ABTB3: variants seen among roughly 807,000 people sequenced by gnomAD.
The protein encoded by ABTB3 is ankyrin repeat and BTB domain containing 3, also known as ankyrin repeat- and BTB/POZ domain-containing protein 3.
chr12:107,578,046 T>C, the ABTB3 span, among the ~76,000 whole-genome samples: 2 of 152,194 alleles, frequency 1.3e-5, no homozygotes, highest in East Asian at 3.8e-4. Flanking sequence ...GATTTTTTCT[T>C]CAGCATTCTC....
At chr12:107,380,545 A>G in the ABTB3 span, among the ~76,000 whole-genome samples, 1 of 152,154 alleles carries the variant, frequency 6.6e-6, no homozygotes, top group East Asian at 1.9e-4. Context: ...AGATGGGGAA[A>G]CTGACACCAA....
chr12:107,376,183 T>C, the ABTB3 span, among the ~76,000 whole-genome samples: 1 of 152,086 alleles, frequency 6.6e-6, no homozygotes, highest in Admixed American at 6.5e-5. Flanking sequence ...GCTCCAGCCA[T>C]CCCCTTCTGT....
chr12:107,453,717 AG>A, the ABTB3 span, among the ~76,000 whole-genome samples: 4 of 152,244 alleles, frequency 2.6e-5, no homozygotes, highest in African/African-American at 9.6e-5. Context: ...AAAATGGGAT[AG>A]GGCAAGAATG....
the ABTB3 span, among the ~76,000 whole-genome samples, chr12:107,560,709 CCT>C: frequency 6.6e-6 from 1 of 152,154 alleles, no homozygotes; most frequent in Non-Finnish European, 1.5e-5. Flanking sequence ...TAATCTCCTC[CCT>C]CTCTTTCTGG....
At chr12:107,473,694 G>A in the ABTB3 span, among the ~76,000 whole-genome samples, 1 of 152,044 alleles carries the variant, frequency 6.6e-6, no homozygotes, top group Admixed American at 6.5e-5. Flanking sequence ...TCTTTTGCTC[G>A]ACATATTTGT....
At chr12:107,536,920 C>G in the ABTB3 span, among the ~76,000 whole-genome samples, 1 of 152,142 alleles carries the variant, frequency 6.6e-6, no homozygotes, top group Non-Finnish European at 1.5e-5. Context: ...CAAGACATGT[C>G]TGCACCCTCA....
At chr12:107,644,199 T>A in the ABTB3 span, among the ~76,000 whole-genome samples, 8 of 152,334 alleles carry the variant, frequency 5.3e-5, no homozygotes, top group South Asian at 1.7e-3. Flanking sequence ...GTGGGGACAC[T>A]GTTCTAGAAT....
the ABTB3 span, among the ~76,000 whole-genome samples, chr12:107,395,674 C>T: frequency 0.16 from 24,749 of 152,188 alleles, 2,471 homozygotes; most frequent in East Asian, 0.46. Context: ...CCAACTTGGC[C>T]ACGCTCCCCA....
chr12:107,612,415 T>C, the ABTB3 span, among the ~76,000 whole-genome samples: 1 of 152,192 alleles, frequency 6.6e-6, no homozygotes, highest in African/African-American at 2.4e-5. Context: ...TAAATGGTGT[T>C]TACCAATGAG....
chr12:107,632,325 C>T, the ABTB3 span, among the ~76,000 whole-genome samples: 1 of 152,186 alleles, frequency 6.6e-6, no homozygotes, highest in African/African-American at 2.4e-5. Context: ...TTGCTTCACT[C>T]GGAGTTGATT....
At chr12:107,424,326 T>G in the ABTB3 span, among the ~76,000 whole-genome samples, 1 of 152,168 alleles carries the variant, frequency 6.6e-6, no homozygotes, top group Non-Finnish European at 1.5e-5. Context: ...TTTTTCTCCT[T>G]TCTCTACCCC....
the ABTB3 span, chr12:107,610,403 A>T: frequency 1.9e-6 from 3 of 1,602,942 alleles, no homozygotes; most frequent in Non-Finnish European, 2.6e-6. Flanking sequence ...CTCCATGTGC[A>T]TCACCCCTGG....
At chr12:107,642,053 T>A in the ABTB3 span, 7 of 1,585,768 alleles carry the variant, frequency 4.4e-6, no homozygotes, top group East Asian at 1.3e-4. Flanking sequence ...GATTTGTGTG[T>A]GAGTCTTTTT....
At chr12:107,530,560 A>G in the ABTB3 span, among the ~76,000 whole-genome samples, 5 of 152,202 alleles carry the variant, frequency 3.3e-5, no homozygotes, top group African/African-American at 1.2e-4. Context: ...TACTTAGTAC[A>G]TAGTTTTTAA....
chr12:107,414,460 G>A, the ABTB3 span, among the ~76,000 whole-genome samples: 4 of 151,972 alleles, frequency 2.6e-5, no homozygotes, highest in Admixed American at 6.6e-5. Flanking sequence ...CAAAAAACCC[G>A]AGCATGCACC....
chr12:107,477,362 G>A, the ABTB3 span, among the ~76,000 whole-genome samples: 1 of 152,170 alleles, frequency 6.6e-6, no homozygotes, highest in South Asian at 2.1e-4. Context: ...AAAGAAAGCT[G>A]TATTTCTCAG....
the ABTB3 span, among the ~76,000 whole-genome samples, chr12:107,498,819 C>A: frequency 6.6e-6 from 1 of 152,128 alleles, no homozygotes; most frequent in South Asian, 2.1e-4. Context: ...ATAGCATATT[C>A]AAAGGTTCTG....
the ABTB3 span, among the ~76,000 whole-genome samples, chr12:107,607,357 T>C: frequency 6.6e-6 from 1 of 152,214 alleles, no homozygotes; most frequent in Non-Finnish European, 1.5e-5. Context: ...TCTCGGATGC[T>C]GATGCCATAG....
At chr12:107,557,801 C>A in the ABTB3 span, among the ~76,000 whole-genome samples, 7 of 152,196 alleles carry the variant, frequency 4.6e-5, no homozygotes, top group African/African-American at 1.7e-4. Flanking sequence ...AGCTAATTTG[C>A]CCAAGATCAC....
Sources: allele counts gnomAD v4.1 joint callset (sites outside exome capture counted in the v4.1 genomes callset), GRCh38; gene constraint gnomAD v4.1.1; transcripts MANE v1.5; gene names NCBI Gene and HGNC (gene_info 2026-07-23, HGNC 2026-07-21).